The following EFCAB6 variants were observed in gnomAD, a reference collection of about 807,000 sequenced individuals.
The protein encoded by EFCAB6 is EF-hand calcium-binding domain-containing protein 6.
EFCAB6 carries 156 observed loss-of-function variants against 169.8 expected under a neutral mutation model. The observed-to-expected ratio is 0.92, with a 90% confidence interval of 0.81 to 1.05. The LOEUF (loss-of-function observed/expected upper bound fraction) is 1.05. Ranked by LOEUF, EFCAB6 falls within the 50% of genes least tolerant of loss-of-function variation. The probability of loss-of-function intolerance (pLI) is 0.00; values close to 1 mark genes in which losing one functional copy is unlikely to be tolerated. For synonymous variants in EFCAB6, 698 were observed against 676.4 expected (o/e 1.03, Z -0.50); for missense variants, 1,800 against 1,829.1 (o/e 0.98, Z 0.29).
intron 30 of EFCAB6, 80 bp from the exon 31 acceptor site, chr22:43,531,044 G>C (rs2047031537): frequency 1.9e-6 from 3 of 1,571,276 alleles, no homozygotes; most frequent in African/African-American, 2.7e-5. Flanking sequence ...CCTCGCCCCC[G>C]CCTCGCCCAG....
intron 8 of EFCAB6, 98 bp from the exon 9 acceptor site, chr22:43,717,070 A>G: frequency 7.4e-7 from 1 of 1,356,292 alleles, no homozygotes; most frequent in Non-Finnish European, 9.6e-7. Context: ...TAAAAAAGGA[A>G]GGCTTGAATA....
chr22:43,598,918 C>T (rs768910428), intron 23 of EFCAB6, among the ~76,000 whole-genome samples: 15 of 152,196 alleles, frequency 9.9e-5, no homozygotes, highest in South Asian at 6.2e-4. Context: ...AAATATCATA[C>T]ATACCCTCCA....
chr22:43,678,253 G>A (rs1328752044), intron 12 of EFCAB6, 90 bp from the exon 13 acceptor site: 29 of 1,354,018 alleles, frequency 2.1e-5, no homozygotes, highest in Non-Finnish European at 2.9e-5. Flanking sequence ...ATTTAATAAA[G>A]AGCGAGCTTT....
intron 2 of EFCAB6, among the ~76,000 whole-genome samples, chr22:43,807,677 G>C (rs2062967965): frequency 6.6e-6 from 1 of 152,246 alleles, no homozygotes; most frequent in African/African-American, 2.4e-5. Flanking sequence ...CTGTATCATG[G>C]AGAGGGGTGT....
chr22:43,537,393 G>A lies in EFCAB6; in HGVS notation c.4032C>T (p.Asn1344=), dbSNP rs781398227. 4.5e-5 allele frequency: 73 copies of A among 1,614,028 alleles called. No individual in the cohort carries two copies. Among genetic ancestry groups the A allele is most frequent in the Admixed American group, 2.3e-4 (14 of 59,982 alleles). The part of the protein sequence containing the change: ...EKDVARQGDI[N]ASDFLALVEK... Reference sequence around the variant, plus strand: ...TGAACGAACCCAGGAAATCGGAGGCGTTGATGTCCCCCTGTCTGGCCACGT... The same window carrying A: ...TGAACGAACCCAGGAAATCGGAGGCATTGATGTCCCCCTGTCTGGCCACGT... Residue 1344 remains asparagine, a synonymous_variant, in exon 29 of 32, where the codon AAC becomes AAT. Transcript: ENST00000262726. This position sits in a 1 kb window ranked among gnomAD's most constrained non-coding sequence, Gnocchi z 4.3.
intron 17 of EFCAB6, among the ~76,000 whole-genome samples, chr22:43,648,416 A>G (rs1015289150): frequency 6.6e-6 from 1 of 152,216 alleles, no homozygotes; most frequent in African/African-American, 2.4e-5. Flanking sequence ...CACAACATGG[A>G]TGCAGCTGGA....
intron 22 of EFCAB6, among the ~76,000 whole-genome samples, chr22:43,603,650 C>T (rs1185553465): frequency 6.6e-6 from 1 of 152,270 alleles, no homozygotes; most frequent in Non-Finnish European, 1.5e-5. Flanking sequence ...TCAAATGCCA[C>T]TGTCCCTAGA....
intron 19 of EFCAB6, among the ~76,000 whole-genome samples, chr22:43,627,596 C>A (rs1347161456): frequency 6.6e-6 from 1 of 152,186 alleles, no homozygotes; most frequent in African/African-American, 2.4e-5. Context: ...AGGCTCTGCC[C>A]GGGGCCAATG....
intron 27 of EFCAB6, chr22:43,552,482 C>T (rs2048436136): frequency 6.6e-6 from 1 of 152,172 alleles, no homozygotes. Flanking sequence ...TGTTTTTTGA[C>T]TTTTAAATAG....
intron 6 of EFCAB6, among the ~76,000 whole-genome samples, chr22:43,743,914 G>A (rs1259154082): frequency 6.7e-6 from 1 of 149,824 alleles, no homozygotes. Flanking sequence ...GTGGGTGGGT[G>A]GATGAATGGA....
At chr22:43,608,410 A>G in intron 22 of EFCAB6, 72 bp downstream of exon 22, 2 of 1,331,984 alleles carry the variant, frequency 1.5e-6, no homozygotes, top group Non-Finnish European at 2.1e-6. Flanking sequence ...AGGAAAGATT[A>G]GGCTGAATTT....
chr22:43,631,552 C>A (rs1435539234), intron 19 of EFCAB6, among the ~76,000 whole-genome samples: 1 of 152,030 alleles, frequency 6.6e-6, no homozygotes, highest in Non-Finnish European at 1.5e-5. Flanking sequence ...CCACCTCCTC[C>A]AGGGAGTCCT....
intron 5 of EFCAB6, among the ~76,000 whole-genome samples, chr22:43,762,262 T>C (rs2061186951): frequency 6.6e-6 from 1 of 152,202 alleles, no homozygotes; most frequent in Non-Finnish European, 1.5e-5. Context: ...TCACTGAGGA[T>C]GTAGGGTCCC....
intron 23 of EFCAB6, among the ~76,000 whole-genome samples, chr22:43,598,770 CCTA>C (rs1183788875): frequency 6.6e-6 from 1 of 152,046 alleles, no homozygotes; most frequent in Non-Finnish European, 1.5e-5. Context: ...AATATATGCT[CCTA>C]CTATGTACCC....
chr22:43,530,760 G>A (rs773194460), intron 31 of EFCAB6, 55 bp downstream of exon 31: 132 of 1,602,670 alleles, frequency 8.2e-5, no homozygotes, highest in Non-Finnish European at 1.1e-4. Context: ...GTTTCTGGCC[G>A]CTGGCATTTG....
intron 6 of EFCAB6, among the ~76,000 whole-genome samples, chr22:43,741,744 T>C (rs1224583194): frequency 1.3e-5 from 2 of 152,164 alleles, no homozygotes; most frequent in Non-Finnish European, 2.9e-5. Context: ...CACTGTCCAC[T>C]CTGGGGCAGG....
chr22:43,640,714 A>T lies in EFCAB6; in HGVS notation c.1984-5498T>A, dbSNP rs1479767086. Among the ~76,000 whole-genome samples the T allele has an allele frequency of 5.3e-5, 8 of 152,222 alleles. No individual in the cohort carries two copies. In the East Asian group the frequency reaches 1.5e-3, roughly 29 times the overall value. On this transcript the variant is annotated intron_variant, in intron 17 of 31. Coordinates refer to ENST00000262726, the MANE Select transcript of EFCAB6 (RefSeq NM_022785.4). ...TCTTCAGGAGTTGACACCCTCCTGA[A>T]TCTTCTTGCCTAGTCTAGTTTCATT...
rs766183091 is a variant in EFCAB6 at position 43,716,849 on chromosome 22, T to C, written c.881A>G (p.Gln294Arg). The change falls in exon 9 of 32, where the codon CAA becomes CGA. Residue 294 changes from glutamine to arginine, a missense_variant and splice_region_variant. Gln to Arg is a conservative substitution (Grantham distance 43, BLOSUM62 1). Coordinates refer to ENST00000262726, the MANE Select transcript of EFCAB6 (RefSeq NM_022785.4). ...LDEIERNFCL[Q>R]LSKSYEKVEK... ...TTGTGGCTTAGGAAAACATCTTACT[T>C]GTAGACAAAAGTTCCTCTCAATTTC... is the stretch of plus-strand genomic sequence containing the variant. 5 of 1,603,260 alleles carry C rather than the reference T, an allele frequency of 3.1e-6. No homozygotes were observed.
chr22:43,791,946 G>A (rs984150284), intron 2 of EFCAB6, among the ~76,000 whole-genome samples: 2 of 152,196 alleles, frequency 1.3e-5, no homozygotes, highest in Non-Finnish European at 2.9e-5. Context: ...AGAGAAAGAA[G>A]AGCCTCGCTG....
Sources: allele counts gnomAD v4.1 joint callset (sites outside exome capture counted in the v4.1 genomes callset), GRCh38; gene constraint gnomAD v4.1.1; non-coding constraint Gnocchi (gnomAD v3.1); transcripts MANE v1.5; gene names NCBI Gene and HGNC (gene_info 2026-07-23, HGNC 2026-07-21).